The following POGLUT1 variants were observed in gnomAD, a reference collection of about 807,000 sequenced individuals.
POGLUT1 encodes the protein protein O-glucosyltransferase 1, also known as 9630046K23Rik.
A neutral mutation model predicts 61.3 loss-of-function variants in POGLUT1; 32 were observed. That is an observed-to-expected ratio of 0.52 (90% confidence interval 0.39 to 0.70). The LOEUF (loss-of-function observed/expected upper bound fraction) is 0.70, where lower values mean the gene tolerates loss of function less well. Among genes scored for constraint, POGLUT1 ranks in the 30% least tolerant of loss-of-function variants. The pLI, the probability that POGLUT1 is intolerant of heterozygous loss-of-function variation, is 0.00. For synonymous variants in POGLUT1, 158 were observed against 158.2 expected (o/e 1.00, Z 0.01); for missense variants, 411 against 469.8 (o/e 0.87, Z 1.16).
chr3:119,491,812 T>G (rs958295718), intron 10 of POGLUT1, among the ~76,000 whole-genome samples: 31 of 152,108 alleles, frequency 2.0e-4, no homozygotes, highest in Non-Finnish European at 4.1e-4. Flanking sequence ...CCCAGCACTC[T>G]GGAAGGCCGA....
chr3:119,478,858 C>T (rs1475458964), intron 4 of POGLUT1, among the ~76,000 whole-genome samples: 6 of 148,336 alleles, frequency 4.0e-5, no homozygotes, highest in Admixed American at 6.7e-5. Flanking sequence ...CCTGTAATCC[C>T]AGCACTTTGG....
chr3:119,474,720 T>C (rs1464530366), intron 3 of POGLUT1, among the ~76,000 whole-genome samples: 1 of 152,084 alleles, frequency 6.6e-6, no homozygotes, highest in Non-Finnish European at 1.5e-5. Context: ...GCGCCTGTAA[T>C]CCCAGCTACT....
Position 119,471,885 on chromosome 3 carries a change from G to A in POGLUT1, c.320+433G>A, listed in dbSNP as rs2081478110. The stretch of plus-strand genomic sequence containing the variant: ...AGAGGAGTAACTAGATGGGGTGGTG[G>A]TGGCTCACACCTGTGATCCCAGCAC... On this transcript the variant is annotated intron_variant, in intron 3 of 10. Transcript: ENST00000295588. The A allele has an allele frequency of 1.4e-5, 3 of 209,316 alleles. No individual in the cohort carries two copies. The South Asian group carries it at 2.1e-4, about 15-fold the overall frequency. The allele number at this position is 209,316 out of a possible 1,614,324, so 13.0% of individuals were successfully genotyped here.
At chr3:119,479,141 G>C (rs2081577456) in intron 4 of POGLUT1, among the ~76,000 whole-genome samples, 1 of 151,804 alleles carries the variant, frequency 6.6e-6, no homozygotes, top group South Asian at 2.1e-4. Context: ...TGTTGACCAG[G>C]CTGATTTCAA....
chr3:119,490,393 A>T, intron 8 of POGLUT1, 158 bp from the exon 9 acceptor site: 1 of 666,808 alleles, frequency 1.5e-6, no homozygotes, highest in South Asian at 1.9e-5. Flanking sequence ...GATAGAAACC[A>T]CTTAGGAACA....
At chr3:119,471,508 C>A in intron 3 of POGLUT1, 56 bp downstream of exon 3, 1 of 1,523,458 alleles carries the variant, frequency 6.6e-7, no homozygotes, top group Non-Finnish European at 9.1e-7. Flanking sequence ...GGGCTTGATA[C>A]CCTTTTATAG....
Position 119,488,922 on chromosome 3 carries a change from C to T in POGLUT1, c.739-7C>T. Reference sequence around the variant, plus strand: ...GTTAATACTAATAACTTCCTTTCCACTTAAAGGATACCTTAGGAAAGCCAG... The same window carrying T: ...GTTAATACTAATAACTTCCTTTCCATTTAAAGGATACCTTAGGAAAGCCAG... On this transcript the variant is annotated splice_polypyrimidine_tract_variant and splice_region_variant and intron_variant, in intron 7 of 10. Transcript: ENST00000295588. The T allele has an allele frequency of 3.2e-6, 5 of 1,545,570 alleles. No individual in the cohort carries two copies. Among genetic ancestry groups the T allele is most frequent in the Non-Finnish European group, 4.5e-6 (5 of 1,119,828 alleles).
rs201074058 is a variant in POGLUT1 at position 119,471,366 on chromosome 3, A to G, written c.234A>G (p.Ala78=). The stretch of plus-strand genomic sequence containing the variant: ...GAGGCATCTCCAGGAAGATGATGGC[A>G]GAGGTAGTCAGACGGAAGCTAGGGA... ...FRGGISRKMM[A]EVVRRKLGTH... is the part of the protein sequence containing the mutation. Residue 78 remains alanine (A), a synonymous_variant, in exon 3 of 11, where the codon GCA becomes GCG. Coordinates refer to ENST00000295588, the MANE Select transcript of POGLUT1 (RefSeq NM_152305.3). 1.5e-5 allele frequency: 25 copies of G among 1,613,784 alleles called. No individual in the cohort carries two copies. Among genetic ancestry groups the G allele is most frequent in the Non-Finnish European group, 1.9e-5 (23 of 1,179,748 alleles).
intron 4 of POGLUT1, chr3:119,478,202 A>G (rs1010129828): frequency 8.1e-6 from 3 of 369,982 alleles, no homozygotes; most frequent in Non-Finnish European, 1.6e-5. Context: ...GGAAGATTCT[A>G]TGGGGTAAGA....
At chr3:119,469,312 C>T in intron 1 of POGLUT1, 1 of 590,694 alleles carries the variant, frequency 1.7e-6, no homozygotes, top group East Asian at 2.9e-5. Context: ...TAACCCATTC[C>T]CCGGAATTCA....
chr3:119,493,849 G>A lies in POGLUT1; in HGVS notation c.*1411G>A, dbSNP rs376055152. Reference sequence around the variant, plus strand: ...TGAGTACTAGCAATGCACAGGGACCGTGTTCTTAGGTTCTTAGTCTGTGAA... The same window carrying A: ...TGAGTACTAGCAATGCACAGGGACCATGTTCTTAGGTTCTTAGTCTGTGAA... On this transcript the variant is annotated 3_prime_UTR_variant, in exon 11 of 11. Transcript: ENST00000295588. 9 of 137,912 alleles carry A rather than the reference G, an allele frequency of 6.5e-5. No individual in the cohort carries two copies. Among genetic ancestry groups the A allele is most frequent in the East Asian group, 6.3e-4 (3 of 4,746 alleles). 8.5% of individuals were successfully genotyped at this position (137,912 alleles called of 1,614,324 possible). A position where few individuals can be genotyped will look rare whatever the true frequency, so the allele number is the denominator to read the frequency against.
In POGLUT1 at chr3:119,477,387, G is replaced by A. The variant is rs766709782; in HGVS notation, c.395G>A (p.Arg132Gln). 29 of 1,614,010 alleles carry A rather than the reference G, an allele frequency of 1.8e-5. No individual in the cohort carries two copies. The highest frequency in any genetic ancestry group is 1.1e-4 in the East Asian group (5 of 44,894). The change falls in exon 4 of 11, where the codon CGA becomes CAA. Residue 132 changes from arginine (R) to glutamine (Q), a missense_variant. By Grantham distance (43) the Arg-to-Gln change is conservative. Coordinates refer to ENST00000295588, the MANE Select transcript of POGLUT1 (RefSeq NM_152305.3). Reference protein sequence around the residue: ...LPDMEMVINVRDYPQVPKWME... With the variant: ...LPDMEMVINVQDYPQVPKWME... ...GACATGGAGATGGTGATCAATGTAC[G>A]AGATTATCCTCAGGTTCCTAAATGG... is the stretch of plus-strand genomic sequence containing the variant.
intron 5 of POGLUT1, among the ~76,000 whole-genome samples, chr3:119,483,295 A>G (rs1024604062): frequency 5.9e-5 from 9 of 152,212 alleles, no homozygotes; most frequent in Admixed American, 2.6e-4. Context: ...ATAAAGGATG[A>G]AGTGAATCAT....
At chr3:119,492,060 AT>A (rs1041271129) in intron 10 of POGLUT1, among the ~76,000 whole-genome samples, 5 of 138,448 alleles carry the variant, frequency 3.6e-5, no homozygotes, top group African/African-American at 1.6e-4. Context: ...GTCTCAAAAA[AT>A]AAATAAATAA....
chr3:119,475,238 T>A (rs2081521920), intron 3 of POGLUT1, among the ~76,000 whole-genome samples: 1 of 152,236 alleles, frequency 6.6e-6, no homozygotes, highest in African/African-American at 2.4e-5. Context: ...TGCACTTAGA[T>A]TTCTTTTCCA....
chr3:119,475,487 TA>T (rs2081524358), intron 3 of POGLUT1, among the ~76,000 whole-genome samples: 1 of 152,208 alleles, frequency 6.6e-6, no homozygotes, highest in African/African-American at 2.4e-5. Context: ...CCTAAAAGTA[TA>T]ATAACTAGGG....
intron 5 of POGLUT1, among the ~76,000 whole-genome samples, chr3:119,484,388 C>T (rs1327153699): frequency 6.6e-6 from 1 of 152,168 alleles, no homozygotes; most frequent in African/African-American, 2.4e-5. Context: ...GCTGTGCAGA[C>T]TTCTGTGCAG....
rs71156748 is a variant in POGLUT1 at position 119,492,057 on chromosome 3, A to AAAATAAAT, written c.1023-205_1023-198dup. ...CAACAAGAGCGAAACTCCGTCTCAA[A>AAAATAAAT]AAATAAATAAATAAATAAATAAATA... On this transcript the variant is annotated intron_variant, in intron 10 of 10. Transcript: ENST00000295588. Among the ~76,000 whole-genome samples, 38,515 of 150,272 alleles carry AAAATAAAT rather than the reference A, an allele frequency of 0.26. 5,191 individuals carry two copies. Among genetic ancestry groups the AAAATAAAT allele is most frequent in the East Asian group, 0.39 (1,981 of 5,058 alleles).
intron 6 of POGLUT1, among the ~76,000 whole-genome samples, chr3:119,485,878 A>C (rs1449559308): frequency 3.3e-5 from 5 of 152,198 alleles, no homozygotes; most frequent in Non-Finnish European, 7.3e-5. Flanking sequence ...GAAGAGAAAA[A>C]TGGCAAAGGT....
Sources: allele counts gnomAD v4.1 joint callset (sites outside exome capture counted in the v4.1 genomes callset), GRCh38; gene constraint gnomAD v4.1.1; transcripts MANE v1.5; gene names NCBI Gene and HGNC (gene_info 2026-07-23, HGNC 2026-07-21).